Variants in GRIN2A observed in about 807,000 individuals in gnomAD.
The protein encoded by GRIN2A is glutamate receptor ionotropic, NMDA 2A.
A neutral mutation model predicts 113.4 loss-of-function variants in GRIN2A; 22 were observed. The observed-to-expected ratio is 0.19, with a 90% confidence interval of 0.14 to 0.28. The LOEUF is 0.28. GRIN2A is among the 10% of genes least tolerant of loss of function. The pLI is 1.00. For missense variants in GRIN2A, 1,502 were observed against 1,887.0 expected (o/e 0.80, Z 3.78); for synonymous variants, 827 against 738.4 (o/e 1.12, Z -1.94).
chr16:9,798,022 C>G (rs961982296), intron 11 of GRIN2A, among the ~76,000 whole-genome samples: 1 of 152,160 alleles, frequency 6.6e-6, no homozygotes, highest in Non-Finnish European at 1.5e-5. Context: ...TTTTTCTAAA[C>G]CTATTTAACT....
At chr16:10,036,292 G>A (rs776074674) in intron 2 of GRIN2A, among the ~76,000 whole-genome samples, 17 of 152,032 alleles carry the variant, frequency 1.1e-4, no homozygotes, top group Non-Finnish European at 2.2e-4. Flanking sequence ...GGCTGAAAGT[G>A]TAAGATCAAG....
Position 10,012,422 on chromosome 16 carries a change from G to A in GRIN2A, c.415-73871C>T, listed in dbSNP as rs72774064. Among the ~76,000 whole-genome samples the A allele has an allele frequency of 4.6e-3, 700 of 152,258 alleles. 4 individuals are homozygous for A. The Middle Eastern group carries it at 0.051, about 11-fold the overall frequency. On this transcript the variant is annotated intron_variant, in intron 2 of 12. Coordinates refer to ENST00000330684, the MANE Select transcript of GRIN2A (RefSeq NM_001134407.3). Reference sequence around the variant, plus strand: ...TTATAGGATAACCACAGGAAAAATGGTTATCCAGACCAGCCCTTTAACTCA... The same window carrying A: ...TTATAGGATAACCACAGGAAAAATGATTATCCAGACCAGCCCTTTAACTCA...
At chr16:9,941,901 G>A (rs983802443) in intron 2 of GRIN2A, among the ~76,000 whole-genome samples, 30 of 152,036 alleles carry the variant, frequency 2.0e-4, no homozygotes, top group African/African-American at 6.0e-4. Flanking sequence ...CCAGAAGTAG[G>A]GTGATTTTTC....
At chr16:9,989,024 T>C (rs144029743) in intron 2 of GRIN2A, among the ~76,000 whole-genome samples, 1 of 152,340 alleles carries the variant, frequency 6.6e-6, no homozygotes, top group East Asian at 1.9e-4. Flanking sequence ...AAGACTTTGG[T>C]GCTCTCTGAA....
chr16:9,903,703 C>T (rs2043977526), intron 3 of GRIN2A, among the ~76,000 whole-genome samples: 1 of 152,234 alleles, frequency 6.6e-6, no homozygotes, highest in Admixed American at 6.5e-5. Context: ...GCATCCTCTT[C>T]CAACTCTCAA....
chr16:10,032,200 A>G (rs1283445029), intron 2 of GRIN2A, among the ~76,000 whole-genome samples: 1 of 152,260 alleles, frequency 6.6e-6, no homozygotes, highest in Non-Finnish European at 1.5e-5. Flanking sequence ...CCATGAACAA[A>G]TAACTAAAGA....
chr16:10,073,339 A>G (rs1185065945), intron 2 of GRIN2A, among the ~76,000 whole-genome samples: 1 of 152,162 alleles, frequency 6.6e-6, no homozygotes, highest in African/African-American at 2.4e-5. Flanking sequence ...AGACAGAAAA[A>G]TCATTTATAG....
intron 2 of GRIN2A, among the ~76,000 whole-genome samples, chr16:9,954,834 TGAA>T (rs2045268414): frequency 6.6e-6 from 1 of 152,206 alleles, no homozygotes; most frequent in African/African-American, 2.4e-5. Context: ...TGCAGTGGGA[TGAA>T]TCCAGAATTC....
chr16:10,058,469 A>G (rs1204719577), intron 2 of GRIN2A, among the ~76,000 whole-genome samples: 1 of 152,230 alleles, frequency 6.6e-6, no homozygotes, highest in Non-Finnish European at 1.5e-5. Flanking sequence ...TTTCAAAATA[A>G]TTTGGCAAAA....
chr16:10,173,150 A>C (rs912509448), intron 2 of GRIN2A, among the ~76,000 whole-genome samples: 6 of 151,600 alleles, frequency 4.0e-5, no homozygotes, highest in African/African-American at 1.4e-4. Flanking sequence ...TGATGATCGC[A>C]TCTGACATGC....
At chr16:9,908,453 C>A (rs2044070150) in intron 3 of GRIN2A, among the ~76,000 whole-genome samples, 1 of 151,084 alleles carries the variant, frequency 6.6e-6, no homozygotes, top group Non-Finnish European at 1.5e-5. Flanking sequence ...TTTTTTTTCC[C>A]AAATAGCTAT....
At chr16:10,056,119 T>A (rs2047453507) in intron 2 of GRIN2A, among the ~76,000 whole-genome samples, 1 of 152,182 alleles carries the variant, frequency 6.6e-6, no homozygotes, top group Non-Finnish European at 1.5e-5. Flanking sequence ...AGGCAACAAA[T>A]ACTTAATGAG....
At chr16:10,147,485 A>G (rs1274887053) in intron 2 of GRIN2A, among the ~76,000 whole-genome samples, 2 of 140,266 alleles carry the variant, frequency 1.4e-5, no homozygotes, top group African/African-American at 5.2e-5. Flanking sequence ...AAAAATAGCC[A>G]GGCATGCAGG....
intron 2 of GRIN2A, among the ~76,000 whole-genome samples, chr16:10,087,568 A>G (rs1320108857): frequency 6.6e-6 from 1 of 152,080 alleles, no homozygotes; most frequent in Non-Finnish European, 1.5e-5. Context: ...TTCATAAACA[A>G]CTCCAAAATC....
chr16:9,904,163 T>C (rs1483721541), intron 3 of GRIN2A, among the ~76,000 whole-genome samples: 1 of 152,204 alleles, frequency 6.6e-6, no homozygotes, highest in Non-Finnish European at 1.5e-5. Flanking sequence ...TTCAGGCTGC[T>C]ATACCAAACT....
In GRIN2A at chr16:10,173,638, G is replaced by A. The variant is rs544155235; in HGVS notation, c.414+6360C>T. Reference sequence around the variant, plus strand: ...AACAAACATTTACCGTGTAACAAACGCAAAGGGCAGGACAAGTGTGAGGTA... The same window carrying A: ...AACAAACATTTACCGTGTAACAAACACAAAGGGCAGGACAAGTGTGAGGTA... On this transcript the variant is annotated intron_variant, in intron 2 of 12. Coordinates refer to ENST00000330684, the MANE Select transcript of GRIN2A (RefSeq NM_001134407.3). Among the ~76,000 whole-genome samples the A allele has an allele frequency of 3.3e-5, 5 of 152,276 alleles. No homozygotes were observed. In the East Asian group the frequency reaches 5.8e-4, roughly 18 times the overall value.
intron 2 of GRIN2A, among the ~76,000 whole-genome samples, chr16:9,940,168 T>G (rs969944154): frequency 6.6e-6 from 1 of 152,126 alleles, no homozygotes; most frequent in Non-Finnish European, 1.5e-5. Context: ...TTTACATCAC[T>G]TTCCCTGTGG....
At position 9,804,629 on chromosome 16, in the gene GRIN2A, C is replaced by T. The variant is rs138396463; in HGVS notation, c.2169-6165G>A. Among the ~76,000 whole-genome samples the T allele has an allele frequency of 3.1e-4, 47 of 152,126 alleles. 1 individual carries two copies. Among genetic ancestry groups the T allele is most frequent in the Non-Finnish European group, 2.6e-4 (18 of 68,012 alleles). ...TGGGGTCCATGCCACCTTTCTGCCT[C>T]CACTCCCTATAGAAGATGTTGGAGA... is the stretch of plus-strand genomic sequence containing the variant. On this transcript the variant is annotated intron_variant, in intron 10 of 12. Coordinates refer to ENST00000330684, the MANE Select transcript of GRIN2A (RefSeq NM_001134407.3).
intron 4 of GRIN2A, among the ~76,000 whole-genome samples, chr16:9,865,881 A>C (rs1017154369): frequency 6.6e-6 from 1 of 152,246 alleles, no homozygotes; most frequent in Non-Finnish European, 1.5e-5. Flanking sequence ...TGGTGACACA[A>C]TTATAAAATT....
Sources: allele counts gnomAD v4.1 joint callset (sites outside exome capture counted in the v4.1 genomes callset), GRCh38; gene constraint gnomAD v4.1.1; transcripts MANE v1.5; gene names NCBI Gene and HGNC (gene_info 2026-07-23, HGNC 2026-07-21).